VAT1L: variants seen among roughly 807,000 people sequenced by gnomAD.
VAT1L encodes putative NADPH-dependent quinone oxidoreductase VAT1L.
A neutral mutation model predicts 44.1 loss-of-function variants in VAT1L; 34 were observed. The observed-to-expected ratio is 0.77, with a 90% CI of 0.59 to 1.03. The LOEUF (loss-of-function observed/expected upper bound fraction) is 1.03. Ranked by LOEUF, VAT1L falls within the 50% of genes least tolerant of loss-of-function variation. The probability of loss-of-function intolerance (pLI) is 0.00; values close to 1 mark genes in which losing one functional copy is unlikely to be tolerated. For missense variants in VAT1L, 615 were observed against 538.8 expected (o/e 1.14, Z -1.40); for synonymous variants, 253 against 202.2 (o/e 1.25, Z -2.13).
intron 1 of VAT1L, among the ~76,000 whole-genome samples, chr16:77,802,558 G>T (rs2016078330): frequency 6.6e-6 from 1 of 151,738 alleles, no homozygotes; most frequent in Admixed American, 6.6e-5. Context: ...AGGTGGCAGT[G>T]AGCCGAGATT....
intron 7 of VAT1L, among the ~76,000 whole-genome samples, chr16:77,938,423 C>G (rs756193287): frequency 3.9e-5 from 6 of 152,158 alleles, no homozygotes; most frequent in Non-Finnish European, 7.3e-5. Context: ...AATATGTGTC[C>G]TCATCAAATC....
intron 4 of VAT1L, among the ~76,000 whole-genome samples, chr16:77,865,392 C>T (rs572905005): frequency 1.2e-4 from 18 of 152,194 alleles, no homozygotes; most frequent in Admixed American, 6.5e-5. Context: ...CTTTCATGTA[C>T]GCATGAATAC....
At chr16:77,939,016 G>C (rs538850186) in intron 7 of VAT1L, among the ~76,000 whole-genome samples, 3 of 152,228 alleles carry the variant, frequency 2.0e-5, no homozygotes, top group Non-Finnish European at 4.4e-5. Flanking sequence ...TTTCCTGCCT[G>C]CATCAACCTG....
At chr16:77,791,098 G>A (rs922125447) in intron 1 of VAT1L, among the ~76,000 whole-genome samples, 4 of 152,186 alleles carry the variant, frequency 2.6e-5, no homozygotes, top group African/African-American at 9.7e-5. Context: ...TACAAGGAAG[G>A]ATTGTAATAG....
chr16:77,911,328 C>G (rs971937196), intron 7 of VAT1L, among the ~76,000 whole-genome samples: 1 of 152,148 alleles, frequency 6.6e-6, no homozygotes, highest in Non-Finnish European at 1.5e-5. Context: ...ATTACTTGAT[C>G]ATTTTCCCCT....
At chr16:77,867,251 G>T (rs1330494566) in intron 4 of VAT1L, among the ~76,000 whole-genome samples, 1 of 152,124 alleles carries the variant, frequency 6.6e-6, no homozygotes, top group Non-Finnish European at 1.5e-5. Context: ...TGAAGCATAT[G>T]TTCATTACGT....
At chr16:77,965,690 C>G (rs1160322594) in intron 7 of VAT1L, among the ~76,000 whole-genome samples, 2 of 152,208 alleles carry the variant, frequency 1.3e-5, no homozygotes, top group African/African-American at 4.8e-5. Flanking sequence ...CGCTGGGCCA[C>G]CCAGGCTGCA....
At chr16:77,902,694 G>A (rs1348029626) in intron 7 of VAT1L, among the ~76,000 whole-genome samples, 3 of 125,424 alleles carry the variant, frequency 2.4e-5, no homozygotes, top group African/African-American at 8.8e-5. Context: ...GGTGGCTGAT[G>A]CCTGTAATCC....
intron 7 of VAT1L, among the ~76,000 whole-genome samples, chr16:77,957,912 A>G (rs2018121311): frequency 6.6e-6 from 1 of 151,650 alleles, no homozygotes; most frequent in Non-Finnish European, 1.5e-5. Flanking sequence ...TGGGTTATTA[A>G]TGCATTTATT....
chr16:77,923,074 T>C (rs2017629372), intron 7 of VAT1L, among the ~76,000 whole-genome samples: 1 of 152,162 alleles, frequency 6.6e-6, no homozygotes, highest in Non-Finnish European at 1.5e-5. Flanking sequence ...CAGCTCTCAA[T>C]TCCTCCTTCA....
At chr16:77,965,628 C>T (rs13332681) in intron 7 of VAT1L, among the ~76,000 whole-genome samples, 44,945 of 152,044 alleles carry the variant, frequency 0.3, 7,845 homozygotes, top group East Asian at 0.48. Context: ...CGCAGCTGGC[C>T]GTGGCATCCC....
chr16:77,959,634 T>A (rs2018140888), intron 7 of VAT1L, among the ~76,000 whole-genome samples: 1 of 152,214 alleles, frequency 6.6e-6, no homozygotes, highest in Admixed American at 6.5e-5. Context: ...AGCCAAGTGC[T>A]ATGGTTATTA....
At chr16:77,928,158 G>A (rs1345688327) in intron 7 of VAT1L, among the ~76,000 whole-genome samples, 1 of 152,060 alleles carries the variant, frequency 6.6e-6, no homozygotes, top group Non-Finnish European at 1.5e-5. Flanking sequence ...CCCCAGAGCT[G>A]GCCTCCTTTT....
chr16:77,797,102 T>G (rs965451168), intron 1 of VAT1L, among the ~76,000 whole-genome samples: 1 of 151,320 alleles, frequency 6.6e-6, no homozygotes, highest in African/African-American at 2.4e-5. Flanking sequence ...AAAACTGCAC[T>G]TGTACCCTTA....
chr16:77,856,313 A>T (rs1381446343), intron 3 of VAT1L, among the ~76,000 whole-genome samples: 1 of 152,198 alleles, frequency 6.6e-6, no homozygotes, highest in Non-Finnish European at 1.5e-5. Context: ...TAAGCCATCC[A>T]TTCTCTGTCC....
In VAT1L at chr16:77,876,531, C is replaced by G. The variant is rs113928701; in HGVS notation, c.826+58C>G. ...GCAATAGGTACCTCTACATATGTGCCTGCAAAGGCTCTGAAAAGTGAATTG... is the reference window on the plus strand; with the variant it reads ...GCAATAGGTACCTCTACATATGTGCGTGCAAAGGCTCTGAAAAGTGAATTG... On this transcript the variant is annotated intron_variant, in intron 5 of 8. Transcript: ENST00000302536. The G allele has an allele frequency of 3.0e-4, 437 of 1,475,736 alleles. 5 individuals carry two copies. In the African/African-American group the frequency reaches 5.2e-3, roughly 18 times the overall value. 91.4% of individuals were successfully genotyped at this position (1,475,736 alleles called of 1,614,324 possible).
chr16:77,900,003 G>T (rs1359478829), intron 7 of VAT1L, among the ~76,000 whole-genome samples: 1 of 152,208 alleles, frequency 6.6e-6, no homozygotes, highest in African/African-American at 2.4e-5. Context: ...TACACCGTAT[G>T]CAAGGCTTTG....
chr16:77,805,208 T>C (rs1268027623), intron 1 of VAT1L, among the ~76,000 whole-genome samples: 3 of 152,162 alleles, frequency 2.0e-5, no homozygotes, highest in African/African-American at 7.2e-5. Context: ...CCATCTGAGA[T>C]TTGCATAAAC....
intron 2 of VAT1L, 63 bp downstream of exon 2, chr16:77,817,113 T>A: frequency 2.5e-6 from 4 of 1,570,256 alleles, no homozygotes; most frequent in Middle Eastern, 1.8e-4. Flanking sequence ...CAACAAAAGA[T>A]GATGCAGAAA....
Sources: gnomAD v4.1 joint callset for allele counts (sites outside exome capture counted in the v4.1 genomes callset) on GRCh38, gnomAD v4.1.1 for gene constraint, MANE v1.5 for transcripts, NCBI Gene and HGNC (gene_info 2026-07-23, HGNC 2026-07-21) for gene names.